The following SNTG1 variants were observed in gnomAD, a reference collection of about 807,000 sequenced individuals.
The protein encoded by SNTG1 is syntrophin gamma 1.
Under a neutral mutation model 74.7 loss-of-function variants are expected in SNTG1, and 39 were observed. The ratio of observed to expected loss-of-function variants is 0.52; its 90% confidence interval spans 0.40 to 0.68. The LOEUF is 0.68. Among genes scored for constraint, SNTG1 ranks in the 30% least tolerant of loss-of-function variants. The probability of loss-of-function intolerance (pLI) is 0.00; values close to 1 mark genes in which losing one functional copy is unlikely to be tolerated. For missense variants in SNTG1, 685 were observed against 609.5 expected, an observed-to-expected ratio of 1.12 and a Z score of -1.30; for synonymous variants, 254 against 217.1, an observed-to-expected ratio of 1.17 and a Z score of -1.49.
intron 1 of SNTG1, among the ~76,000 whole-genome samples, chr8:49,926,438 C>T (rs1229997619): frequency 6.6e-6 from 1 of 152,000 alleles, no homozygotes; most frequent in Non-Finnish European, 1.5e-5. Flanking sequence ...AAATTTCAAA[C>T]ACCATGATGT....
At chr8:50,496,956 G>T (rs1023045546) in intron 8 of SNTG1, among the ~76,000 whole-genome samples, 2 of 143,234 alleles carry the variant, frequency 1.4e-5, no homozygotes, top group African/African-American at 5.1e-5. Flanking sequence ...GATATAATAT[G>T]CATTTAAAGC....
intron 1 of SNTG1, among the ~76,000 whole-genome samples, chr8:49,993,256 C>T (rs1447106165): frequency 2.0e-5 from 3 of 151,968 alleles, no homozygotes; most frequent in Non-Finnish European, 2.9e-5. Flanking sequence ...GAGGGGGGCA[C>T]TTTACAAGGT....
At chr8:50,543,456 G>T (rs1215202232) in intron 11 of SNTG1, among the ~76,000 whole-genome samples, 2 of 151,570 alleles carry the variant, frequency 1.3e-5, no homozygotes, top group East Asian at 3.9e-4. Context: ...TGTTGTTGTT[G>T]TTGTTGCTGT....
At chr8:50,418,988 T>C (rs2093048178) in intron 4 of SNTG1, among the ~76,000 whole-genome samples, 1 of 152,034 alleles carries the variant, frequency 6.6e-6, no homozygotes, top group Non-Finnish European at 1.5e-5. Flanking sequence ...TAGGTAAAAA[T>C]TAAAAACTAT....
intron 2 of SNTG1, among the ~76,000 whole-genome samples, chr8:50,364,799 C>CT (rs2092061307): frequency 6.6e-6 from 1 of 151,916 alleles, no homozygotes. Context: ...ATTTCTTGTT[C>CT]TTTTTTATTG....
intron 17 of SNTG1, among the ~76,000 whole-genome samples, chr8:50,711,284 A>C (rs1014248612): frequency 1.2e-4 from 18 of 152,180 alleles, no homozygotes; most frequent in African/African-American, 3.9e-4. Context: ...TGAATGTGAA[A>C]AATATCTTTA....
At chr8:50,156,990 T>C (rs759414086) in intron 1 of SNTG1, among the ~76,000 whole-genome samples, 1 of 152,232 alleles carries the variant, frequency 6.6e-6, no homozygotes, top group African/African-American at 2.4e-5. Context: ...GTTTTTCATA[T>C]CTAAATTGAA....
At chr8:50,474,483 T>A (rs2093679578) in intron 8 of SNTG1, among the ~76,000 whole-genome samples, 2 of 151,802 alleles carry the variant, frequency 1.3e-5, no homozygotes, top group Admixed American at 1.3e-4. Context: ...AAAATGCTCA[T>A]CATCACTGGC....
chr8:50,778,018 C>T (rs2095646318), intron 18 of SNTG1, among the ~76,000 whole-genome samples: 1 of 152,102 alleles, frequency 6.6e-6, no homozygotes, highest in African/African-American at 2.4e-5. Context: ...CATGTCCCTA[C>T]AAAGGACATG....
At chr8:50,649,129 C>G (rs989376736) in intron 13 of SNTG1, among the ~76,000 whole-genome samples, 2 of 152,250 alleles carry the variant, frequency 1.3e-5, no homozygotes, top group South Asian at 4.1e-4. Flanking sequence ...ATTGGTGGCA[C>G]AGTTTATTGA....
intron 1 of SNTG1, among the ~76,000 whole-genome samples, chr8:50,137,077 T>A (rs976194387): frequency 1.3e-5 from 2 of 152,122 alleles, no homozygotes; most frequent in Non-Finnish European, 2.9e-5. Context: ...AATGACTTCA[T>A]TTTCAGCAGA....
chr8:50,549,610 A>C (rs2094411772), intron 11 of SNTG1, among the ~76,000 whole-genome samples: 1 of 152,092 alleles, frequency 6.6e-6, no homozygotes, highest in African/African-American at 2.4e-5. Flanking sequence ...CAGAGAGAAA[A>C]ATTGCAGCAA....
intron 1 of SNTG1, among the ~76,000 whole-genome samples, chr8:50,095,524 G>C (rs574285314): frequency 5.3e-5 from 8 of 152,192 alleles, no homozygotes; most frequent in African/African-American, 1.9e-4. Context: ...ATATACAATA[G>C]ATTTTTATAC....
intron 2 of SNTG1, among the ~76,000 whole-genome samples, chr8:50,259,206 T>C (rs1035157410): frequency 1.3e-5 from 2 of 151,850 alleles, no homozygotes; most frequent in Non-Finnish European, 2.9e-5. Flanking sequence ...TTTTCAAACA[T>C]TAAAGGAGAA....
In SNTG1 at chr8:50,150,199, G is replaced by A. The variant is rs181809350; in HGVS notation, c.-102-22362G>A. Among the ~76,000 whole-genome samples, 512 of 152,196 alleles carry A rather than the reference G, an allele frequency of 3.4e-3. 2 individuals carry two copies. Among genetic ancestry groups the A allele is most frequent in the Admixed American group, 6.2e-3 (95 of 15,280 alleles). ...TCAGGATTTGGTTCTCTGTTTGTCT[G>A]TTATTGGTGTATAAGAATGCTTGTT... On this transcript the variant is annotated intron_variant, in intron 1 of 18. Transcript: ENST00000642720.
chr8:50,545,360 G>A (rs1229701081), intron 11 of SNTG1, among the ~76,000 whole-genome samples: 4 of 151,210 alleles, frequency 2.6e-5, no homozygotes, highest in African/African-American at 9.7e-5. Context: ...AAGGGCATTA[G>A]AATAAGAGAT....
At chr8:50,516,839 A>G (rs1315643286) in intron 9 of SNTG1, among the ~76,000 whole-genome samples, 1 of 152,148 alleles carries the variant, frequency 6.6e-6, no homozygotes, top group East Asian at 1.9e-4. Context: ...TAAAAGTGAA[A>G]GGGAGAATGA....
At chr8:50,621,920 A>G (rs2094925666) in intron 13 of SNTG1, among the ~76,000 whole-genome samples, 1 of 152,198 alleles carries the variant, frequency 6.6e-6, no homozygotes, top group East Asian at 1.9e-4. Context: ...TTTCATACCC[A>G]GATGCTTTCT....
At chr8:50,113,274 G>A (rs1209754764) in intron 1 of SNTG1, among the ~76,000 whole-genome samples, 1 of 152,062 alleles carries the variant, frequency 6.6e-6, no homozygotes, top group Non-Finnish European at 1.5e-5. Context: ...CTTTTATTTT[G>A]TTGAGCAGTG....
Sources: gnomAD v4.1 joint callset for allele counts (sites outside exome capture counted in the v4.1 genomes callset) on GRCh38, gnomAD v4.1.1 for gene constraint, MANE v1.5 for transcripts, NCBI Gene and HGNC (gene_info 2026-07-23, HGNC 2026-07-21) for gene names.